Variants in MAN1A2 observed in about 807,000 individuals in gnomAD.
MAN1A2 encodes mannosidase alpha class 1A member 2, also known as mannosyl-oligosaccharide 1,2-alpha-mannosidase IB.
Under a neutral mutation model 75.7 loss-of-function variants are expected in MAN1A2, and 26 were observed. That is an observed-to-expected ratio of 0.34 (90% CI 0.25 to 0.48). The LOEUF (loss-of-function observed/expected upper bound fraction) is 0.48, where lower values mean the gene tolerates loss of function less well. MAN1A2 is among the 20% of genes least tolerant of loss of function. The pLI, the probability that MAN1A2 is intolerant of heterozygous loss-of-function variation, is 0.99. For missense variants in MAN1A2, 562 were observed against 775.5 expected (o/e 0.72, Z 3.27); for synonymous variants, 247 against 264.6 (o/e 0.93, Z 0.65).
intron 12 of MAN1A2, among the ~76,000 whole-genome samples, chr1:117,505,920 A>G (rs1651347352): frequency 6.6e-6 from 1 of 151,460 alleles, no homozygotes; most frequent in Admixed American, 6.6e-5. Context: ...CATAATGGTA[A>G]TGGTAAATAT....
chr1:117,523,360 A>G lies in MAN1A2; in HGVS notation c.*403A>G, dbSNP rs959002026. The G allele has an allele frequency of 4.6e-6, 2 of 430,960 alleles. No individual in the cohort carries two copies. The highest frequency in any genetic ancestry group is 9.5e-6 in the Non-Finnish European group (2 of 210,388). The allele number at this position is 430,960 out of a possible 1,614,324, so 26.7% of individuals were successfully genotyped here. On this transcript the variant is annotated 3_prime_UTR_variant, in exon 13 of 13. Coordinates refer to ENST00000356554, the MANE Select transcript of MAN1A2 (RefSeq NM_006699.5). ...CAATTATGTATTTGTTTCCTCCTACAGTGGAGCAGCATTCAAATCAAATAT... is the reference window on the plus strand; with the variant it reads ...CAATTATGTATTTGTTTCCTCCTACGGTGGAGCAGCATTCAAATCAAATAT...
chr1:117,425,419 CAT>C (rs1408053857), intron 5 of MAN1A2, among the ~76,000 whole-genome samples: 2 of 152,168 alleles, frequency 1.3e-5, no homozygotes, highest in African/African-American at 4.8e-5. Flanking sequence ...ATCAGTATCT[CAT>C]GTGAATATTG....
chr1:117,514,108 A>G (rs1402746364), intron 12 of MAN1A2, among the ~76,000 whole-genome samples: 1 of 152,192 alleles, frequency 6.6e-6, no homozygotes, highest in Non-Finnish European at 1.5e-5. Context: ...CATGCCTGTA[A>G]TCCCAGCACT....
intron 12 of MAN1A2, among the ~76,000 whole-genome samples, chr1:117,512,010 A>G (rs948299691): frequency 6.6e-6 from 1 of 152,158 alleles, no homozygotes; most frequent in African/African-American, 2.4e-5. Context: ...CAGCTAAAAA[A>G]CCCCAGCAAT....
intron 8 of MAN1A2, among the ~76,000 whole-genome samples, chr1:117,477,422 C>A (rs768508567): frequency 1.3e-4 from 19 of 151,990 alleles, no homozygotes; most frequent in Non-Finnish European, 2.6e-4. Flanking sequence ...AGCAGCACAT[C>A]AAAAAATTTA....
chr1:117,430,345 C>T (rs1214129088), intron 5 of MAN1A2, among the ~76,000 whole-genome samples: 80 of 121,078 alleles, frequency 6.6e-4, no homozygotes, highest in Non-Finnish European at 1.1e-3. Context: ...GGGTGGCTGC[C>T]GGGCGGAGAC....
At chr1:117,397,257 A>G (rs1328014865) in intron 1 of MAN1A2, among the ~76,000 whole-genome samples, 5 of 152,164 alleles carry the variant, frequency 3.3e-5, no homozygotes, top group African/African-American at 9.7e-5. Flanking sequence ...TAGATTTTCA[A>G]AATGTGTTTG....
chr1:117,502,992 A>G (rs1287002999), intron 12 of MAN1A2, 22 bp downstream of exon 12: 2 of 1,290,284 alleles, frequency 1.6e-6, no homozygotes, highest in Admixed American at 2.1e-5. Flanking sequence ...GCTTTAAAAA[A>G]TATTTTTATA....
In MAN1A2 at chr1:117,442,334, A is replaced by C. The variant is rs555751230; in HGVS notation, c.950+9A>C. The C allele has an allele frequency of 6.5e-7, 1 of 1,541,982 alleles. No homozygotes were observed. The highest frequency in any genetic ancestry group is 1.1e-5 in the South Asian group (1 of 89,468). ...ATGGTGAATTTGAAAAGGTAACTCT[A>C]TGTGGGTATTCTTATTCTGGAAGAA... On this transcript the variant is annotated intron_variant, in intron 6 of 12. Transcript: ENST00000356554.
At chr1:117,403,225 T>C (rs186731086) in intron 2 of MAN1A2, among the ~76,000 whole-genome samples, 44 of 152,332 alleles carry the variant, frequency 2.9e-4, no homozygotes, top group African/African-American at 1.1e-3. Flanking sequence ...TAATCAAATA[T>C]CTATTTGGAT....
intron 12 of MAN1A2, among the ~76,000 whole-genome samples, chr1:117,503,357 T>C (rs1264940775): frequency 6.6e-6 from 1 of 151,484 alleles, no homozygotes; most frequent in African/African-American, 2.4e-5. Context: ...CCTGGACTCA[T>C]ACCTGAGCTC....
rs755029863 is a variant in MAN1A2 at position 117,527,003 on chromosome 1, C to T, written c.*4046C>T. ...ATTTTTAATACTCTTTGTTAACAAA[C>T]ACAGTTGAAAACTGGTTTCGGCTGC... is the stretch of plus-strand genomic sequence containing the variant. On this transcript the variant is annotated 3_prime_UTR_variant, in exon 13 of 13. Coordinates refer to ENST00000356554, the MANE Select transcript of MAN1A2 (RefSeq NM_006699.5). 1 of 150,552 alleles carries T rather than the reference C, an allele frequency of 6.6e-6. No homozygotes were observed. The highest frequency in any genetic ancestry group is 1.5e-5 in the Non-Finnish European group (1 of 67,512). 9.3% of individuals were successfully genotyped at this position (150,552 alleles called of 1,614,324 possible).
rs753403664 is a variant in MAN1A2 at position 117,496,760 on chromosome 1, T to C, written c.1285-3T>C. The stretch of plus-strand genomic sequence containing the variant: ...AATTTTGAATATCTTTTCTTTCCTG[T>C]AGGCTATAGAAAAACATCTTATTAA... On this transcript the variant is annotated splice_polypyrimidine_tract_variant and splice_region_variant and intron_variant, in intron 9 of 12. Coordinates refer to ENST00000356554, the MANE Select transcript of MAN1A2 (RefSeq NM_006699.5). The C allele has an allele frequency of 1.0e-5, 16 of 1,600,822 alleles. No homozygotes were observed. Among genetic ancestry groups the C allele is most frequent in the Non-Finnish European group, 1.3e-5 (15 of 1,169,118 alleles).
intron 6 of MAN1A2, among the ~76,000 whole-genome samples, chr1:117,445,238 A>G (rs1211884652): frequency 2.6e-5 from 4 of 152,030 alleles, no homozygotes; most frequent in Non-Finnish European, 5.9e-5. Flanking sequence ...TATCCTTTTT[A>G]TATTTTGCTG....
At chr1:117,392,508 G>A (rs1009081773) in intron 1 of MAN1A2, among the ~76,000 whole-genome samples, 1 of 151,932 alleles carries the variant, frequency 6.6e-6, no homozygotes, top group East Asian at 1.9e-4. Flanking sequence ...CACACATTTT[G>A]TGCTTACTTT....
intron 8 of MAN1A2, among the ~76,000 whole-genome samples, chr1:117,491,219 A>G (rs771838277): frequency 6.6e-6 from 1 of 152,082 alleles, no homozygotes; most frequent in Non-Finnish European, 1.5e-5. Flanking sequence ...CATCTCATAG[A>G]TGAAGAGAAG....
intron 6 of MAN1A2, among the ~76,000 whole-genome samples, chr1:117,454,923 A>G (rs534832935): frequency 6.6e-6 from 1 of 152,126 alleles, no homozygotes; most frequent in Non-Finnish European, 1.5e-5. Context: ...GAGCAGTCAT[A>G]AAAAAATAAG....
chr1:117,400,958 C>T (rs1403570836), intron 1 of MAN1A2, among the ~76,000 whole-genome samples: 2 of 152,000 alleles, frequency 1.3e-5, no homozygotes, highest in East Asian at 3.9e-4. Flanking sequence ...CATCCATTTC[C>T]AGAACTCTTT....
chr1:117,374,752 A>AT (rs1557923831), intron 1 of MAN1A2, among the ~76,000 whole-genome samples: 1 of 152,094 alleles, frequency 6.6e-6, no homozygotes, highest in African/African-American at 2.4e-5. Flanking sequence ...ATCTTTAAAG[A>AT]TTTTTTTCTA....
Sources: gnomAD v4.1 joint callset for allele counts (sites outside exome capture counted in the v4.1 genomes callset) on GRCh38, gnomAD v4.1.1 for gene constraint, MANE v1.5 for transcripts, NCBI Gene and HGNC (gene_info 2026-07-23, HGNC 2026-07-21) for gene names.